The following RABEP1 variants were observed in gnomAD, a reference collection of about 807,000 sequenced individuals.
RABEP1 encodes rabaptin, RAB GTPase binding effector protein 1, also known as rab GTPase-binding effector protein 1.
Under a neutral mutation model 123.4 loss-of-function variants are expected in RABEP1, and 51 were observed. The ratio of observed to expected loss-of-function variants is 0.41; its 90% CI spans 0.33 to 0.52. The LOEUF (loss-of-function observed/expected upper bound fraction) is 0.52. Ranked by LOEUF, RABEP1 falls within the 20% of genes least tolerant of loss-of-function variation. The pLI is 0.16. For synonymous variants in RABEP1, 347 were observed against 355.2 expected (o/e 0.98, Z 0.26); for missense variants, 888 against 996.3 (o/e 0.89, Z 1.46).
intron 3 of RABEP1, among the ~76,000 whole-genome samples, chr17:5,332,810 G>T (rs1473950009): frequency 6.6e-6 from 1 of 152,012 alleles, no homozygotes; most frequent in African/African-American, 2.4e-5. Context: ...ATTTCGCCAT[G>T]TTGGTCAGGC....
intron 12 of RABEP1, among the ~76,000 whole-genome samples, chr17:5,372,712 G>C (rs1910617222): frequency 6.6e-6 from 1 of 152,148 alleles, no homozygotes; most frequent in South Asian, 2.1e-4. Flanking sequence ...CATTGAACTA[G>C]AGATCCTGGT....
chr17:5,366,019 G>A (rs1002281883), intron 11 of RABEP1, among the ~76,000 whole-genome samples: 4 of 152,176 alleles, frequency 2.6e-5, no homozygotes, highest in African/African-American at 9.7e-5. Context: ...TGCAGGATAT[G>A]TAACTAGGGG....
intron 1 of RABEP1, among the ~76,000 whole-genome samples, chr17:5,306,695 A>C (rs1364424185): frequency 6.6e-6 from 1 of 151,986 alleles, no homozygotes; most frequent in Non-Finnish European, 1.5e-5. Flanking sequence ...GAACTGAGTC[A>C]GAATCATGAG....
intron 2 of RABEP1, among the ~76,000 whole-genome samples, chr17:5,315,573 G>A (rs770212918): frequency 8.5e-5 from 13 of 152,154 alleles, no homozygotes; most frequent in Non-Finnish European, 1.0e-4. Context: ...AATTCAGGCC[G>A]GGCATGGTGG....
intron 5 of RABEP1, among the ~76,000 whole-genome samples, chr17:5,342,128 A>G (rs987819964): frequency 6.6e-6 from 1 of 152,252 alleles, no homozygotes; most frequent in South Asian, 2.1e-4. Flanking sequence ...AACAAAATCA[A>G]CATACTAAGA....
At chr17:5,311,678 T>G (rs2075242262) in intron 2 of RABEP1, among the ~76,000 whole-genome samples, 1 of 117,956 alleles carries the variant, frequency 8.5e-6, no homozygotes, top group Admixed American at 1.3e-4. Flanking sequence ...CCAGCCTGGG[T>G]GACAGAGCGA....
chr17:5,372,158 T>G (rs934155842), intron 12 of RABEP1, among the ~76,000 whole-genome samples: 3 of 151,920 alleles, frequency 2.0e-5, no homozygotes, highest in Non-Finnish European at 4.4e-5. Flanking sequence ...AGAATAAGCT[T>G]CTCTGGCTGG....
intron 1 of RABEP1, among the ~76,000 whole-genome samples, chr17:5,302,493 G>A (rs1450696020): frequency 6.6e-6 from 1 of 151,516 alleles, no homozygotes; most frequent in African/African-American, 2.4e-5. Flanking sequence ...CATCCCCCTC[G>A]GCCTCCCAAG....
intron 6 of RABEP1, among the ~76,000 whole-genome samples, chr17:5,347,458 C>G (rs1908164708): frequency 6.6e-6 from 1 of 151,560 alleles, no homozygotes; most frequent in Admixed American, 6.6e-5. Flanking sequence ...AACAAAACAT[C>G]ACCAGGCGTG....
At chr17:5,344,904 A>G (rs1419937009) in intron 5 of RABEP1, among the ~76,000 whole-genome samples, 1 of 152,034 alleles carries the variant, frequency 6.6e-6, no homozygotes, top group Non-Finnish European at 1.5e-5. Flanking sequence ...TTGACGTTGC[A>G]GTAAGCTGAG....
chr17:5,345,106 ACAT>A (rs1489003968), intron 5 of RABEP1, among the ~76,000 whole-genome samples: 5 of 152,250 alleles, frequency 3.3e-5, no homozygotes, highest in Non-Finnish European at 7.3e-5. Flanking sequence ...TGAAAGTGGG[ACAT>A]CATTTTACCC....
intron 7 of RABEP1, among the ~76,000 whole-genome samples, chr17:5,351,723 T>C (rs1908569589): frequency 6.6e-6 from 1 of 152,094 alleles, no homozygotes; most frequent in Admixed American, 6.6e-5. Context: ...GATCACTTGA[T>C]CCGGGAGGCG....
At chr17:5,336,808 A>G (rs1907134099) in intron 4 of RABEP1, 1 of 168,956 alleles carries the variant, frequency 5.9e-6, no homozygotes, top group Non-Finnish European at 1.3e-5. Flanking sequence ...ATAGTATTTA[A>G]TTCAAAATAA....
chr17:5,301,778 A>C (rs575872834), intron 1 of RABEP1, among the ~76,000 whole-genome samples: 6 of 152,206 alleles, frequency 3.9e-5, no homozygotes, highest in Admixed American at 3.9e-4. Context: ...GTTTAAAAAA[A>C]AAAAAAATCA....
intron 11 of RABEP1, among the ~76,000 whole-genome samples, chr17:5,367,321 G>C (rs531543472): frequency 6.6e-6 from 1 of 151,760 alleles, no homozygotes; most frequent in Admixed American, 6.6e-5. Flanking sequence ...GCCCAGGCTA[G>C]AGTGCAGTGG....
chr17:5,308,867 T>TA, intron 2 of RABEP1, 45 bp downstream of exon 2: 1 of 1,511,834 alleles, frequency 6.6e-7, no homozygotes, highest in Non-Finnish European at 9.0e-7. Context: ...AAAACTGCCT[T>TA]AAAGTGTTGA....
At chr17:5,377,041 G>A (rs780926673) in intron 13 of RABEP1, 75 bp from the exon 14 acceptor site, 41 of 1,437,528 alleles carry the variant, frequency 2.9e-5, no homozygotes, top group Admixed American at 4.9e-5. Context: ...TGAGATTCTG[G>A]TTACAGAAAA....
chr17:5,384,675 A>C lies in RABEP1; in HGVS notation c.*1452A>C, dbSNP rs904458900. The stretch of plus-strand genomic sequence containing the variant: ...TACTACATACCTCATCTCTTGGGTT[A>C]TTATTGTAGTCTTGCATTCATGGTT... On this transcript the variant is annotated 3_prime_UTR_variant, in exon 18 of 18. Coordinates refer to ENST00000537505, the MANE Select transcript of RABEP1 (RefSeq NM_004703.6). 4 of 213,404 alleles carry C rather than the reference A, an allele frequency of 1.9e-5. No homozygotes were observed. In the Admixed American group the frequency reaches 2.3e-4, roughly 12 times the overall value. 13.2% of individuals were successfully genotyped at this position (213,404 alleles called of 1,614,324 possible).
intron 8 of RABEP1, among the ~76,000 whole-genome samples, chr17:5,357,288 C>T (rs1437089706): frequency 2.0e-5 from 3 of 152,098 alleles, no homozygotes; most frequent in Admixed American, 6.5e-5. Flanking sequence ...AATGTTTTTC[C>T]CTGAAATGAT....
Sources: gnomAD v4.1 joint callset for allele counts (sites outside exome capture counted in the v4.1 genomes callset) on GRCh38, gnomAD v4.1.1 for gene constraint, MANE v1.5 for transcripts, NCBI Gene and HGNC (gene_info 2026-07-23, HGNC 2026-07-21) for gene names.